The following GRM7 variants were observed in gnomAD, a reference collection of about 807,000 sequenced individuals.
GRM7 encodes the protein glutamate metabotropic receptor 7.
In GRM7, 35 loss-of-function variants were observed where a neutral mutation model predicts 84.5. That is an observed-to-expected ratio of 0.41 (90% confidence interval 0.32 to 0.55). The LOEUF is 0.55. GRM7 is among the 20% of genes least tolerant of loss of function. GRM7 has a pLI of 0.19. For synonymous variants in GRM7, 487 were observed against 455.1 expected, an observed-to-expected ratio of 1.07 and a Z score of -0.89; for missense variants, 1,003 against 1,194.6, an observed-to-expected ratio of 0.84 and a Z score of 2.36.
intron 2 of GRM7, among the ~76,000 whole-genome samples, chr3:7,215,142 T>G (rs1386782046): frequency 6.6e-6 from 1 of 152,212 alleles, no homozygotes; most frequent in Non-Finnish European, 1.5e-5. Flanking sequence ...ATAACATGTA[T>G]TTCCCTAAAC....
intron 4 of GRM7, among the ~76,000 whole-genome samples, chr3:7,389,128 G>A (rs1373442415): frequency 4.6e-5 from 7 of 151,902 alleles, no homozygotes; most frequent in Non-Finnish European, 7.4e-5. Context: ...TAATTTCCTT[G>A]TTTACCCATA....
intron 1 of GRM7, among the ~76,000 whole-genome samples, chr3:7,003,480 A>C (rs554985473): frequency 7.2e-5 from 11 of 152,306 alleles, no homozygotes; most frequent in Admixed American, 3.3e-4. Context: ...ATGATTTAAC[A>C]TATTTGGATG....
chr3:7,255,341 C>T (rs537100275), intron 2 of GRM7, among the ~76,000 whole-genome samples: 49 of 152,282 alleles, frequency 3.2e-4, no homozygotes, highest in East Asian at 3.9e-4. Context: ...AGCTTTGTGA[C>T]GCTCAGTGGA....
intron 1 of GRM7, among the ~76,000 whole-genome samples, chr3:7,010,946 G>A (rs1183499338): frequency 6.6e-6 from 1 of 152,202 alleles, no homozygotes; most frequent in Non-Finnish European, 1.5e-5. Flanking sequence ...CGGGGGAAGA[G>A]TAGGGACTTC....
chr3:7,389,881 T>C (rs1262490805), intron 4 of GRM7, among the ~76,000 whole-genome samples: 1 of 152,124 alleles, frequency 6.6e-6, no homozygotes, highest in East Asian at 1.9e-4. Context: ...TTTGTTCTTG[T>C]CATGGTGTTG....
At chr3:7,166,543 T>G (rs1228037911) in intron 2 of GRM7, among the ~76,000 whole-genome samples, 1 of 152,178 alleles carries the variant, frequency 6.6e-6, no homozygotes, top group Non-Finnish European at 1.5e-5. Flanking sequence ...ATTATTTTGG[T>G]GTCATATAGA....
At chr3:6,922,596 G>A (rs1172385641) in intron 1 of GRM7, among the ~76,000 whole-genome samples, 1 of 152,022 alleles carries the variant, frequency 6.6e-6, no homozygotes, top group Non-Finnish European at 1.5e-5. Flanking sequence ...GATAGATATG[G>A]GAAATACTTC....
At chr3:7,016,112 G>C (rs1358420592) in intron 1 of GRM7, among the ~76,000 whole-genome samples, 3 of 2,070 alleles carry the variant, frequency 1.4e-3, no homozygotes, top group East Asian at 0.011. Context: ...AGTTTATTAA[G>C]GGCTTTGATC....
intron 7 of GRM7, among the ~76,000 whole-genome samples, chr3:7,516,523 A>C (rs1024427841): frequency 1.3e-5 from 2 of 148,894 alleles, no homozygotes; most frequent in Non-Finnish European, 3.0e-5. Context: ...TTAGTTCATT[A>C]ATTCTTAAAG....
At chr3:7,393,709 A>G (rs1695094279) in intron 4 of GRM7, among the ~76,000 whole-genome samples, 3 of 152,162 alleles carry the variant, frequency 2.0e-5, no homozygotes, top group Admixed American at 2.0e-4. Flanking sequence ...TATGCACACA[A>G]TTGCTCCAAT....
At chr3:7,279,245 A>G (rs1401062815) in intron 2 of GRM7, among the ~76,000 whole-genome samples, 1 of 152,314 alleles carries the variant, frequency 6.6e-6, no homozygotes, top group East Asian at 1.9e-4. Context: ...TACATAATAA[A>G]GGTGTGAACA....
intron 5 of GRM7, among the ~76,000 whole-genome samples, chr3:7,421,580 G>T (rs1206609525): frequency 1.3e-5 from 2 of 152,060 alleles, no homozygotes; most frequent in East Asian, 1.9e-4. Context: ...GTGAGGCTTT[G>T]CTCTGATCCT....
chr3:6,862,040 T>A lies in GRM7; in HGVS notation c.519+133T>A. 1.4e-6 allele frequency: 1 copy of A among 699,742 alleles called. No homozygotes were observed. The allele number at this position is 699,742 out of a possible 1,614,324, so 43.3% of individuals were successfully genotyped here. Reference sequence around the variant, plus strand: ...TTTCCTCCCTGGAGATCCTGCCGAATCCCTCCCACCCCGCTCGAGGAGATA... The same window carrying A: ...TTTCCTCCCTGGAGATCCTGCCGAAACCCTCCCACCCCGCTCGAGGAGATA... On this transcript the variant is annotated intron_variant, in intron 1 of 9. Coordinates refer to ENST00000357716, the MANE Select transcript of GRM7 (RefSeq NM_000844.4). The surrounding 1 kb of genome is among the most constrained non-coding windows in gnomAD (Gnocchi z 5.2).
intron 6 of GRM7, among the ~76,000 whole-genome samples, chr3:7,454,492 G>A (rs1204629094): frequency 1.3e-5 from 2 of 151,516 alleles, no homozygotes; most frequent in African/African-American, 2.4e-5. Context: ...AGTGAAGGAG[G>A]GTGAGGAAGA....
chr3:7,593,854 T>G (rs148491425), intron 8 of GRM7, among the ~76,000 whole-genome samples: 5 of 151,584 alleles, frequency 3.3e-5, no homozygotes, highest in African/African-American at 9.7e-5. Flanking sequence ...GAAGCAAGAG[T>G]AGGGTCAGGG....
At chr3:6,982,775 C>T (rs560694475) in intron 1 of GRM7, among the ~76,000 whole-genome samples, 1 of 152,166 alleles carries the variant, frequency 6.6e-6, no homozygotes, top group African/African-American at 2.4e-5. Context: ...GGCTTAATAC[C>T]TTTGAGATTT....
chr3:7,185,017 T>G (rs182875636), intron 2 of GRM7, among the ~76,000 whole-genome samples: 100 of 152,310 alleles, frequency 6.6e-4, no homozygotes, highest in African/African-American at 2.2e-3. Context: ...AAAAGTGATA[T>G]AAGTTAGGTG....
intron 4 of GRM7, among the ~76,000 whole-genome samples, chr3:7,339,451 C>T (rs1353000517): frequency 6.6e-6 from 1 of 152,124 alleles, no homozygotes; most frequent in Non-Finnish European, 1.5e-5. Context: ...AGCAGCTTAT[C>T]TAGAGTTTCT....
chr3:7,644,120 T>TTTTTGTG (rs1698494249), intron 8 of GRM7, among the ~76,000 whole-genome samples: 1 of 119,916 alleles, frequency 8.3e-6, no homozygotes. Context: ...ACTGTGCATG[T>TTTTTGTG]TGTGTGTGTG....
Sources: allele counts gnomAD v4.1 joint callset (sites outside exome capture counted in the v4.1 genomes callset), GRCh38; gene constraint gnomAD v4.1.1; non-coding constraint Gnocchi (gnomAD v3.1); transcripts MANE v1.5; gene names NCBI Gene and HGNC (gene_info 2026-07-23, HGNC 2026-07-21).